TOX: variants seen among roughly 807,000 people sequenced by gnomAD.
TOX encodes thymocyte selection-associated high mobility group box protein TOX.
A neutral mutation model predicts 53.7 loss-of-function variants in TOX; 11 were observed. The observed-to-expected ratio is 0.20, with a 90% CI of 0.13 to 0.34. TOX has a LOEUF of 0.34. Ranked by LOEUF, TOX falls within the 10% of genes least tolerant of loss-of-function variation. The pLI is 1.00. For missense variants in TOX, 570 were observed against 664.6 expected (o/e 0.86, Z 1.56); for synonymous variants, 225 against 245.3 (o/e 0.92, Z 0.77).
At chr8:58,935,091 C>T (rs1056832194) in intron 3 of TOX, among the ~76,000 whole-genome samples, 5 of 152,124 alleles carry the variant, frequency 3.3e-5, no homozygotes, top group African/African-American at 9.7e-5. Flanking sequence ...AACTGTATCA[C>T]TTATGTTGCC....
intron 1 of TOX, among the ~76,000 whole-genome samples, chr8:59,053,897 G>A (rs900106085): frequency 6.6e-6 from 1 of 152,060 alleles, no homozygotes; most frequent in Non-Finnish European, 1.5e-5. Context: ...TTTTTCTCAA[G>A]TCAAAAAAAT....
intron 1 of TOX, among the ~76,000 whole-genome samples, chr8:59,044,841 T>C (rs2129420964): frequency 6.6e-6 from 1 of 152,266 alleles, no homozygotes; most frequent in East Asian, 1.9e-4. Context: ...CAACTCCTTA[T>C]CAAACACAAG....
chr8:58,893,393 C>G (rs1361814856), intron 3 of TOX, among the ~76,000 whole-genome samples: 3 of 152,086 alleles, frequency 2.0e-5, no homozygotes, highest in Admixed American at 1.3e-4. Context: ...TTACCTATTT[C>G]CAGATGATAT....
intron 2 of TOX, among the ~76,000 whole-genome samples, chr8:58,950,151 A>G (rs1436997116): frequency 1.5e-3 from 156 of 103,342 alleles, no homozygotes; most frequent in African/African-American, 5.8e-3. Flanking sequence ...ATATACAATT[A>G]CATGTGTATA....
At chr8:58,873,958 C>CTTTTTTTTTTTTTTTTTTTTTTTTGT (rs1811240579) in intron 3 of TOX, among the ~76,000 whole-genome samples, 1 of 40,128 alleles carries the variant, frequency 2.5e-5, no homozygotes, top group African/African-American at 1.7e-4. Context: ...TGCCAGGAAG[C>CTTTTTTTTTTTTTTTTTTTTTTTTGT]TTTTTTTTTT....
At chr8:58,898,123 T>C (rs895615835) in intron 3 of TOX, among the ~76,000 whole-genome samples, 1 of 152,200 alleles carries the variant, frequency 6.6e-6, no homozygotes. Flanking sequence ...ATATATCTCA[T>C]AATTCTATGC....
intron 1 of TOX, among the ~76,000 whole-genome samples, chr8:59,088,495 T>C (rs2129423624): frequency 6.6e-6 from 1 of 152,302 alleles, no homozygotes; most frequent in East Asian, 1.9e-4. Flanking sequence ...TGCTCCAGCA[T>C]TACATTTTGG....
intron 1 of TOX, among the ~76,000 whole-genome samples, chr8:58,994,866 G>A (rs1007127816): frequency 3.9e-5 from 6 of 152,104 alleles, no homozygotes; most frequent in Non-Finnish European, 7.3e-5. Flanking sequence ...AAATGCTGAC[G>A]GCACCCTATT....
chr8:58,816,725 C>T (rs1471637717), intron 6 of TOX, among the ~76,000 whole-genome samples: 2 of 152,160 alleles, frequency 1.3e-5, no homozygotes, highest in Admixed American at 6.6e-5. Flanking sequence ...GCTTATTCAG[C>T]TTTCAAGTCA....
chr8:59,086,030 G>A (rs1804503129), intron 1 of TOX, among the ~76,000 whole-genome samples: 1 of 136,002 alleles, frequency 7.4e-6, no homozygotes, highest in African/African-American at 2.7e-5. Context: ...TTGTTGTCCA[G>A]GCTGGGGTGC....
chr8:59,102,777 G>C (rs529910281), intron 1 of TOX, among the ~76,000 whole-genome samples: 1 of 152,266 alleles, frequency 6.6e-6, no homozygotes, highest in Admixed American at 6.5e-5. Context: ...ATGTCTGCCT[G>C]TGGTGGAAGG....
At chr8:58,814,459 T>C (rs1293845859) in intron 7 of TOX, 1 of 152,212 alleles carries the variant, frequency 6.6e-6, no homozygotes, top group Non-Finnish European at 1.5e-5. Context: ...ATACTGCAAG[T>C]TGTCATGGCA....
At chr8:58,869,471 T>C (rs371336536) in intron 3 of TOX, among the ~76,000 whole-genome samples, 161 of 152,226 alleles carry the variant, frequency 1.1e-3, no homozygotes, top group African/African-American at 3.6e-3. Flanking sequence ...GAAAAAATTA[T>C]ACCAATTCTC....
intron 1 of TOX, among the ~76,000 whole-genome samples, chr8:59,082,744 T>C (rs1385767731): frequency 6.6e-6 from 1 of 152,204 alleles, no homozygotes; most frequent in African/African-American, 2.4e-5. Flanking sequence ...GTTGTATGAT[T>C]TTTGTCAGCT....
intron 1 of TOX, among the ~76,000 whole-genome samples, chr8:59,029,390 A>G (rs928029965): frequency 6.6e-6 from 1 of 152,188 alleles, no homozygotes; most frequent in Non-Finnish European, 1.5e-5. Context: ...TATCCCTAAC[A>G]GGGACCCTTA....
intron 1 of TOX, among the ~76,000 whole-genome samples, chr8:58,978,046 C>T (rs1813135628): frequency 6.6e-6 from 1 of 152,130 alleles, no homozygotes; most frequent in Non-Finnish European, 1.5e-5. Flanking sequence ...TTGTGAAGTA[C>T]AAGAAGGTGA....
chr8:59,044,702 G>T (rs114480800), intron 1 of TOX, among the ~76,000 whole-genome samples: 1 of 151,942 alleles, frequency 6.6e-6, no homozygotes, highest in Non-Finnish European at 1.5e-5. Flanking sequence ...CTCCACCAAG[G>T]CTCTTTCAAA....
intron 1 of TOX, among the ~76,000 whole-genome samples, chr8:59,072,940 C>T (rs1171583675): frequency 6.6e-6 from 1 of 152,140 alleles, no homozygotes; most frequent in African/African-American, 2.4e-5. Flanking sequence ...ACTTTTAACA[C>T]TTGCTAAATG....
Position 59,118,754 on chromosome 8 carries a change from G to T in TOX, c.102+132C>A. The T allele has an allele frequency of 6.2e-6, 3 of 482,594 alleles. No homozygotes were observed. The highest frequency in any genetic ancestry group is 1.1e-5 in the Non-Finnish European group (3 of 285,230). 29.9% of individuals were successfully genotyped at this position (482,594 alleles called of 1,614,324 possible). The stretch of plus-strand genomic sequence containing the variant: ...TTTACTACCCAAGCGCACGCAGGCT[G>T]CAGCGGGCTGCGAGCCGAGCGCGCC... On this transcript the variant is annotated intron_variant, in intron 1 of 8. Transcript: ENST00000361421. The surrounding 1 kb of genome is among the most constrained non-coding windows in gnomAD (Gnocchi z 4.1).
Sources: allele counts gnomAD v4.1 joint callset (sites outside exome capture counted in the v4.1 genomes callset), GRCh38; gene constraint gnomAD v4.1.1; non-coding constraint Gnocchi (gnomAD v3.1); transcripts MANE v1.5; gene names NCBI Gene and HGNC (gene_info 2026-07-23, HGNC 2026-07-21).